Variants in DAZAP1 observed in about 807,000 individuals in gnomAD.
DAZAP1 encodes the protein DAZ associated protein 1.
A neutral mutation model predicts 60.1 loss-of-function variants in DAZAP1; 6 were observed. That is an observed-to-expected ratio of 0.10 (90% CI 0.05 to 0.20). The LOEUF (loss-of-function observed/expected upper bound fraction) is 0.20, where lower values mean the gene tolerates loss of function less well. Ranked by LOEUF, DAZAP1 falls within the 10% of genes least tolerant of loss-of-function variation. The probability of loss-of-function intolerance (pLI) is 1.00; values close to 1 mark genes in which losing one functional copy is unlikely to be tolerated. For missense variants in DAZAP1, 366 were observed against 560.4 expected (o/e 0.65, Z 3.50); for synonymous variants, 235 against 215.9 (o/e 1.09, Z -0.78).
chr19:1,418,488 A>T lies in DAZAP1; in HGVS notation c.237+118A>T, dbSNP rs1396981583. On this transcript the variant is annotated intron_variant, in intron 3 of 11. Coordinates refer to ENST00000233078, the MANE Select transcript of DAZAP1 (RefSeq NM_018959.4). The surrounding 1 kb of genome is among the most constrained non-coding windows in gnomAD (Gnocchi z 5.7). ...TAGAGTATGTTTGAACGTGGGGTCGATTGGGAAGGATTAAGCCTTGGTGCT... is the reference window on the plus strand; with the variant it reads ...TAGAGTATGTTTGAACGTGGGGTCGTTTGGGAAGGATTAAGCCTTGGTGCT... The T allele has an allele frequency of 5.6e-6, 8 of 1,437,606 alleles. No homozygotes were observed. In the East Asian group the frequency reaches 1.8e-4, roughly 33 times the overall value. The allele number at this position is 1,437,606 out of a possible 1,614,324, so 89.1% of individuals were successfully genotyped here. A position where few individuals can be genotyped will look rare whatever the true frequency, so the allele number is the denominator to read the frequency against.
At chr19:1,430,139 C>T in intron 9 of DAZAP1, 83 bp from the exon 10 acceptor site, 1 of 1,499,808 alleles carries the variant, frequency 6.7e-7, no homozygotes, top group East Asian at 2.3e-5. Context: ...CCTGCTAGGG[C>T]CCCTGGCAGG....
Position 1,434,581 on chromosome 19 carries a change from C to T in DAZAP1, c.1049-156C>T. 3.0e-6 allele frequency: 2 copies of T among 667,252 alleles called. No homozygotes were observed. Among genetic ancestry groups the T allele is most frequent in the Non-Finnish European group, 2.5e-6 (1 of 394,600 alleles). The allele number at this position is 667,252 out of a possible 1,614,324, so 41.3% of individuals were successfully genotyped here. A position where few individuals can be genotyped will look rare whatever the true frequency, so the allele number is the denominator to read the frequency against. ...AGAGAACATGCCCGGGGTCCTCTCC[C>T]CGGCCCAGGTGCTGGCCTCAGAAGG... On this transcript the variant is annotated intron_variant, in intron 11 of 11. Coordinates refer to ENST00000233078, the MANE Select transcript of DAZAP1 (RefSeq NM_018959.4). This position sits in a 1 kb window ranked among gnomAD's most constrained non-coding sequence, Gnocchi z 8.0.
Position 1,407,781 on chromosome 19 carries a change from A to C in DAZAP1, c.8A>C (p.Asn3Thr). Reference protein sequence around the residue: MNNSGADEIGKLF... With the variant: MNTSGADEIGKLF... ...GTCGCCGCCGCCGCCGCCATGAACA[A>C]CTCGGGCGCCGACGAGATCGGGTGA... The change falls in exon 1 of 12, where the codon AAC becomes ACC. Residue 3 changes from asparagine (N) to threonine (T), a missense_variant. Transcript: ENST00000233078. The C allele has an allele frequency of 1.9e-6, 2 of 1,078,100 alleles. No homozygotes were observed. Among genetic ancestry groups the C allele is most frequent in the Non-Finnish European group, 2.2e-6 (2 of 891,020 alleles). The allele number at this position is 1,078,100 out of a possible 1,614,324, so 66.8% of individuals were successfully genotyped here. A position where few individuals can be genotyped will look rare whatever the true frequency, so the allele number is the denominator to read the frequency against.
rs867530986 is a variant in DAZAP1, at chr19:1,429,990, G to A, written c.724G>A (p.Ala242Thr). ...AGGAATGTGGGTGCCGGCAGGACAG[G>A]CGATTGGTAAGTCCTTGTTTATAGA... is the stretch of plus-strand genomic sequence containing the variant. ...PQGMWVPAGQ[A>T]IGGYGPPPAG... The change falls in exon 9 of 12, where the codon GCG becomes ACG. Residue 242 changes from alanine (A) to threonine (T), a missense_variant. Transcript: ENST00000233078. 16 of 1,572,430 alleles carry A rather than the reference G, an allele frequency of 1.0e-5. No homozygotes were observed. The Middle Eastern group carries it at 2.7e-3, about 261-fold the overall frequency.
In DAZAP1 at chr19:1,418,634, T is replaced by C. The variant is rs778544099; in HGVS notation, c.238-32T>C. ...TCTTTCCTAGAGAAACAGCCTCTTA[T>C]TCACAACCAGCTGATTTGAAATTTC... On this transcript the variant is annotated intron_variant, in intron 3 of 11. Transcript: ENST00000233078. The surrounding 1 kb of genome is among the most constrained non-coding windows in gnomAD (Gnocchi z 5.7). 42 of 1,613,704 alleles carry C rather than the reference T, an allele frequency of 2.6e-5. No individual in the cohort carries two copies. The highest frequency in any genetic ancestry group is 3.3e-5 in the Admixed American group (2 of 59,976).
intron 1 of DAZAP1, chr19:1,409,892 A>T: frequency 6.6e-6 from 1 of 152,264 alleles, no homozygotes; most frequent in East Asian, 1.9e-4. Flanking sequence ...CCTCTTCCTG[A>T]TGCAGAGCCC....
In DAZAP1 at chr19:1,433,693, G is replaced by T; in HGVS notation, c.1048+1003G>T. ...GTGGCGTGTGTCAGCCGCTGCTCTT[G>T]GTGGCGGCTGCTTGGGTTGGTCACC... is the stretch of plus-strand genomic sequence containing the variant. On this transcript the variant is annotated intron_variant, in intron 11 of 11. Coordinates refer to ENST00000233078, the MANE Select transcript of DAZAP1 (RefSeq NM_018959.4). This position sits in a 1 kb window ranked among gnomAD's most constrained non-coding sequence, Gnocchi z 6.1. 6.6e-7 allele frequency: 1 copy of T among 1,515,384 alleles called. No individual in the cohort carries two copies. Among genetic ancestry groups the T allele is most frequent in the Non-Finnish European group, 9.2e-7 (1 of 1,092,414 alleles). The allele number at this position is 1,515,384 out of a possible 1,614,324, so 93.9% of individuals were successfully genotyped here. A position where few individuals can be genotyped will look rare whatever the true frequency, so the allele number is the denominator to read the frequency against.
At position 1,428,522 on chromosome 19, in the gene DAZAP1, A is replaced by G. The variant is rs1402450755; in HGVS notation, c.547-320A>G. The G allele has an allele frequency of 4.0e-6, 1 of 252,282 alleles. No individual in the cohort carries two copies. Among genetic ancestry groups the G allele is most frequent in the African/African-American group, 2.3e-5 (1 of 43,750 alleles). The allele number at this position is 252,282 out of a possible 1,614,324, so 15.6% of individuals were successfully genotyped here. A position where few individuals can be genotyped will look rare whatever the true frequency, so the allele number is the denominator to read the frequency against. ...AGAGGAAGGAGGACGCTGCCATTTTACTTGAGTGAAAGACCCTTCGTCACG... is the reference window on the plus strand; with the variant it reads ...AGAGGAAGGAGGACGCTGCCATTTTGCTTGAGTGAAAGACCCTTCGTCACG... On this transcript the variant is annotated intron_variant, in intron 7 of 11. Transcript: ENST00000233078. This position sits in a 1 kb window ranked among gnomAD's most constrained non-coding sequence, Gnocchi z 4.0.
Position 1,432,362 on chromosome 19 carries a change from C to T in DAZAP1, c.872-152C>T. On this transcript the variant is annotated intron_variant, in intron 10 of 11. Transcript: ENST00000233078. The surrounding 1 kb of genome is among the most constrained non-coding windows in gnomAD (Gnocchi z 4.9). ...GGCCCGGGACCGTGGCTCTGTGGTC[C>T]ATTCTGTGGATGTCCACAAGGCCTG... 1.3e-6 allele frequency: 1 copy of T among 778,562 alleles called. No homozygotes were observed. 48.2% of individuals were successfully genotyped at this position (778,562 alleles called of 1,614,324 possible). A position where few individuals can be genotyped will look rare whatever the true frequency, so the allele number is the denominator to read the frequency against.
rs567594650 is a variant in DAZAP1, at chr19:1,423,833, G to C, written c.463+1437G>C. ...CAGAGCTGGCGCCCCTTCTCCTCGC[G>C]TCCTGTCCTGTCCCGTGTGGACGGG... On this transcript the variant is annotated intron_variant, in intron 6 of 11. Transcript: ENST00000233078. This position sits in a 1 kb window ranked among gnomAD's most constrained non-coding sequence, Gnocchi z 6.8. 6.6e-6 allele frequency among the ~76,000 whole-genome samples: 1 copy of C among 152,132 alleles called. No individual in the cohort carries two copies. The highest frequency in any genetic ancestry group is 2.4e-5 in the African/African-American group (1 of 41,428).
chr19:1,430,972 C>T (rs184460954), intron 10 of DAZAP1, among the ~76,000 whole-genome samples: 160 of 151,854 alleles, frequency 1.1e-3, no homozygotes, highest in African/African-American at 3.7e-3. Flanking sequence ...CCGCCTGCCT[C>T]GGCCTCCCAA....
chr19:1,420,514 G>A (rs1026969778), intron 4 of DAZAP1, among the ~76,000 whole-genome samples: 1 of 151,972 alleles, frequency 6.6e-6, no homozygotes, highest in Non-Finnish European at 1.5e-5. Context: ...GTTGGTGGGT[G>A]GGGGCAGGAG....
chr19:1,424,987 C>A (rs2083272093), intron 6 of DAZAP1, among the ~76,000 whole-genome samples: 1 of 152,218 alleles, frequency 6.6e-6, no homozygotes, highest in African/African-American at 2.4e-5. Context: ...CCACCCCAGA[C>A]CCACTAAACT....
chr19:1,414,435 A>G (rs1358741985), intron 1 of DAZAP1, among the ~76,000 whole-genome samples: 2 of 152,152 alleles, frequency 1.3e-5, no homozygotes, highest in African/African-American at 4.8e-5. Flanking sequence ...TCTCACATGA[A>G]CACAGCACAG....
At chr19:1,430,976 C>T (rs1220461812) in intron 10 of DAZAP1, among the ~76,000 whole-genome samples, 2 of 151,780 alleles carry the variant, frequency 1.3e-5, no homozygotes, top group Non-Finnish European at 2.9e-5. Flanking sequence ...CTGCCTCGGC[C>T]TCCCAAAGTG....
rs113746162 is a variant in DAZAP1 at position 1,418,385 on chromosome 19, G to A, written c.237+15G>A. 136 of 1,609,546 alleles carry A rather than the reference G, an allele frequency of 8.4e-5. 1 individual carries two copies. The highest frequency in any genetic ancestry group is 7.8e-4 in the East Asian group (35 of 44,740). On this transcript the variant is annotated intron_variant, in intron 3 of 11. Transcript: ENST00000233078. The surrounding 1 kb of genome is among the most constrained non-coding windows in gnomAD (Gnocchi z 5.7). ...ATGGCCGAAACGTAAGTGCCCTTCC[G>A]GGAGCTCACACCCGCTCTCTGTCTC...
At chr19:1,413,623 C>G (rs903923083) in intron 1 of DAZAP1, among the ~76,000 whole-genome samples, 1 of 152,170 alleles carries the variant, frequency 6.6e-6, no homozygotes, top group South Asian at 2.1e-4. Flanking sequence ...TTAGAAGCTG[C>G]TCTCAAATAT....
At chr19:1,429,132 C>G in intron 8 of DAZAP1, 137 bp downstream of exon 8, 2 of 1,184,300 alleles carry the variant, frequency 1.7e-6, no homozygotes, top group South Asian at 1.8e-5. Context: ...TGTCCTTGAG[C>G]CCCCGCGAGG....
rs1208785448 is a variant in DAZAP1, at chr19:1,428,792, G to T, written c.547-50G>T. 1.2e-6 allele frequency: 2 copies of T among 1,609,492 alleles called. No homozygotes were observed. Among genetic ancestry groups the T allele is most frequent in the East Asian group, 4.5e-5 (2 of 44,786 alleles). On this transcript the variant is annotated intron_variant, in intron 7 of 11. Transcript: ENST00000233078. This position sits in a 1 kb window ranked among gnomAD's most constrained non-coding sequence, Gnocchi z 4.0. ...CCCGAGGGTGTGTCTAAAGGGAAGG[G>T]GGTGCTGGGACCCGCAGCCTCGCCC...
Sources: allele counts gnomAD v4.1 joint callset (sites outside exome capture counted in the v4.1 genomes callset), GRCh38; gene constraint gnomAD v4.1.1; non-coding constraint Gnocchi (gnomAD v3.1); transcripts MANE v1.5; gene names NCBI Gene and HGNC (gene_info 2026-07-23, HGNC 2026-07-21).